FRAS1: variants seen among roughly 807,000 people sequenced by gnomAD.
FRAS1 encodes Fraser extracellular matrix complex subunit 1.
Under a neutral mutation model 435.2 loss-of-function variants are expected in FRAS1, and 290 were observed. That is an observed-to-expected ratio of 0.67 (90% confidence interval 0.61 to 0.73). The LOEUF is 0.73. FRAS1 is among the 30% of genes least tolerant of loss of function. The pLI, the probability that FRAS1 is intolerant of heterozygous loss-of-function variation, is 0.00. For synonymous variants in FRAS1, 1,800 were observed against 1,851.0 expected, an observed-to-expected ratio of 0.97 and a Z score of 0.71; for missense variants, 4,860 against 5,001.5, an observed-to-expected ratio of 0.97 and a Z score of 0.85.
At chr4:78,138,327 G>T (rs766719180) in intron 2 of FRAS1, among the ~76,000 whole-genome samples, 1 of 152,314 alleles carries the variant, frequency 6.6e-6, no homozygotes, top group Non-Finnish European at 1.5e-5. Flanking sequence ...GAAGCATTTA[G>T]GTCCAGGGTG....
intron 15 of FRAS1, among the ~76,000 whole-genome samples, chr4:78,314,123 G>A (rs895299007): frequency 3.3e-5 from 5 of 151,226 alleles, no homozygotes; most frequent in Admixed American, 3.3e-4. Context: ...TTTCTTAAAT[G>A]CTGATGCTAC....
intron 2 of FRAS1, among the ~76,000 whole-genome samples, chr4:78,092,416 A>G (rs918832966): frequency 6.6e-6 from 1 of 152,172 alleles, no homozygotes; most frequent in Admixed American, 6.5e-5. Flanking sequence ...GGTGGAAGGC[A>G]AGGAGGAGCA....
At chr4:78,363,390 G>C in intron 20 of FRAS1, 123 bp from the exon 21 acceptor site, 2 of 947,218 alleles carry the variant, frequency 2.1e-6, no homozygotes. Flanking sequence ...ACTGCCTTTG[G>C]GCTACTCTCC....
At chr4:78,098,152 G>A (rs1421826653) in intron 2 of FRAS1, among the ~76,000 whole-genome samples, 1 of 152,092 alleles carries the variant, frequency 6.6e-6, no homozygotes, top group Admixed American at 6.5e-5. Context: ...TGCAAAAATA[G>A]GAGAAGTTTG....
chr4:78,511,197 A>G, intron 63 of FRAS1, 77 bp from the exon 64 acceptor site: 1 of 1,157,110 alleles, frequency 8.6e-7, no homozygotes, highest in Admixed American at 2.3e-5. Flanking sequence ...ATCTTTACAG[A>G]TTAACTTGAA....
intron 2 of FRAS1, chr4:78,181,998 A>C: frequency 6.4e-7 from 1 of 1,564,570 alleles, no homozygotes; most frequent in South Asian, 1.2e-5. Context: ...AACTGGTCGA[A>C]TCGGTTGGTG....
At chr4:78,194,703 T>C (rs1722719275) in intron 2 of FRAS1, among the ~76,000 whole-genome samples, 1 of 152,196 alleles carries the variant, frequency 6.6e-6, no homozygotes, top group South Asian at 2.1e-4. Flanking sequence ...TTAACTTCTT[T>C]GCCATGGGTT....
At chr4:78,070,363 A>G (rs1369954385) in intron 2 of FRAS1, 1 of 152,082 alleles carries the variant, frequency 6.6e-6, no homozygotes, top group Non-Finnish European at 1.5e-5. Flanking sequence ...TTAAGTCCCA[A>G]GCATGTGTAG....
chr4:78,234,536 T>G (rs1384528007), intron 2 of FRAS1, among the ~76,000 whole-genome samples: 1 of 152,214 alleles, frequency 6.6e-6, no homozygotes, highest in Admixed American at 6.5e-5. Flanking sequence ...TTTCCTCACC[T>G]TCTTGTCATT....
intron 14 of FRAS1, among the ~76,000 whole-genome samples, chr4:78,298,022 CTCTCTCTCTATATATA>C (rs1448615769): frequency 1.3e-4 from 14 of 106,576 alleles, no homozygotes; most frequent in African/African-American, 5.1e-4. Flanking sequence ...CTCTCTCTCT[CTCTCTCTCTATATATA>C]TATATATATA....
chr4:78,382,293 A>G (rs2110323064), intron 27 of FRAS1, among the ~76,000 whole-genome samples: 1 of 152,100 alleles, frequency 6.6e-6, no homozygotes, highest in South Asian at 2.1e-4. Flanking sequence ...TTAATAAAAT[A>G]AAATAATTTT....
At chr4:78,317,013 G>A (rs1041125543) in intron 16 of FRAS1, among the ~76,000 whole-genome samples, 4 of 152,188 alleles carry the variant, frequency 2.6e-5, no homozygotes, top group African/African-American at 4.8e-5. Context: ...GCATGTCACC[G>A]TGGGTAAATT....
At chr4:78,170,412 CTTCAT>C in intron 2 of FRAS1, among the ~76,000 whole-genome samples, 1 of 152,234 alleles carries the variant, frequency 6.6e-6, no homozygotes, top group Middle Eastern at 3.4e-3. Flanking sequence ...TTACTTGTCA[CTTCAT>C]TTCATGTTGC....
intron 2 of FRAS1, among the ~76,000 whole-genome samples, chr4:78,202,641 A>G (rs1392467651): frequency 6.6e-6 from 1 of 152,226 alleles, no homozygotes; most frequent in Non-Finnish European, 1.5e-5. Context: ...CAGTGAGCCA[A>G]GATGGTGCCA....
At position 78,335,132 on chromosome 4, in the gene FRAS1, T is replaced by C. The variant is rs145002326; in HGVS notation, c.2278+1720T>C. On this transcript the variant is annotated intron_variant, in intron 19 of 73. Coordinates refer to ENST00000512123, the MANE Select transcript of FRAS1 (RefSeq NM_025074.7). ...AGGACACTAGGGCGATCTTTTACTT[T>C]CTCCCTCTTAATGAGGTACTGCTCT... 6.9e-4 allele frequency among the ~76,000 whole-genome samples: 105 copies of C among 152,236 alleles called. 1 individual carries two copies. The Middle Eastern group carries it at 0.027, about 39-fold the overall frequency.
chr4:78,484,657 A>G (rs983346082), intron 58 of FRAS1, among the ~76,000 whole-genome samples: 4 of 152,194 alleles, frequency 2.6e-5, no homozygotes, highest in Non-Finnish European at 5.9e-5. Flanking sequence ...CAAGATTATG[A>G]CACTTATATT....
chr4:78,340,573 A>C (rs911846052), intron 20 of FRAS1, among the ~76,000 whole-genome samples: 8 of 152,328 alleles, frequency 5.3e-5, no homozygotes, highest in East Asian at 3.9e-4. Flanking sequence ...ATAAAGACAA[A>C]TCAAATATGG....
intron 43 of FRAS1, 110 bp from the exon 44 acceptor site, chr4:78,447,943 C>T: frequency 9.8e-7 from 1 of 1,015,618 alleles, no homozygotes; most frequent in Non-Finnish European, 1.4e-6. Context: ...CTCTGAGGCA[C>T]TTGACATTCT....
intron 47 of FRAS1, among the ~76,000 whole-genome samples, chr4:78,454,454 T>C (rs1010998315): frequency 6.6e-6 from 1 of 152,170 alleles, no homozygotes; most frequent in African/African-American, 2.4e-5. Flanking sequence ...ATGGACAGAT[T>C]GGCTAAAATC....
Sources: allele counts gnomAD v4.1 joint callset (sites outside exome capture counted in the v4.1 genomes callset), GRCh38; gene constraint gnomAD v4.1.1; transcripts MANE v1.5; gene names NCBI Gene and HGNC (gene_info 2026-07-23, HGNC 2026-07-21).